Variants in FRYL observed in about 807,000 individuals in gnomAD.
FRYL encodes the protein protein furry homolog-like.
Under a neutral mutation model 351.2 loss-of-function variants are expected in FRYL, and 150 were observed. The observed-to-expected ratio is 0.43, with a 90% CI of 0.37 to 0.49. The LOEUF is 0.49. Ranked by LOEUF, FRYL falls within the 20% of genes least tolerant of loss-of-function variation. The pLI is 0.00. For synonymous variants in FRYL, 1,153 were observed against 1,257.1 expected (o/e 0.92, Z 1.75); for missense variants, 3,036 against 3,619.3 (o/e 0.84, Z 4.13).
At chr4:48,514,916 T>A in intron 56 of FRYL, 112 bp downstream of exon 56, 2 of 933,278 alleles carry the variant, frequency 2.1e-6, no homozygotes, top group Admixed American at 2.5e-5. Context: ...GATTACAGAC[T>A]GAAACACACA....
At chr4:48,512,711 TATC>T (rs1486938601) in intron 56 of FRYL, 23 bp from the exon 57 acceptor site, 4 of 1,538,056 alleles carry the variant, frequency 2.6e-6, no homozygotes, top group Non-Finnish European at 2.7e-6. Context: ...ATATCATAAA[TATC>T]ATAACACTAT....
chr4:48,632,092 A>ATATATATATATATATATG (rs1753198344), intron 4 of FRYL, among the ~76,000 whole-genome samples: 1 of 9,986 alleles, frequency 1.0e-4, no homozygotes, highest in East Asian at 5.5e-3. Context: ...AAAAAAAAAA[A>ATATATATATATATATATG]TATATATATA....
chr4:48,533,364 A>G (rs1728119336), intron 49 of FRYL, among the ~76,000 whole-genome samples: 1 of 152,154 alleles, frequency 6.6e-6, no homozygotes, highest in African/African-American at 2.4e-5. Flanking sequence ...AGGATAAGAC[A>G]CAAGATAAAT....
At chr4:48,675,546 C>G (rs539443222) in intron 3 of FRYL, among the ~76,000 whole-genome samples, 3 of 152,232 alleles carry the variant, frequency 2.0e-5, no homozygotes, top group African/African-American at 7.2e-5. Flanking sequence ...GCGCTGCGCT[C>G]GATTTCTCAC....
intron 3 of FRYL, among the ~76,000 whole-genome samples, chr4:48,645,242 A>G (rs1313840540): frequency 6.6e-6 from 1 of 150,580 alleles, no homozygotes; most frequent in Non-Finnish European, 1.5e-5. Flanking sequence ...AGCGCTGATA[A>G]AAAGGTAATG....
intron 1 of FRYL, among the ~76,000 whole-genome samples, chr4:48,775,658 T>A (rs1298680252): frequency 6.6e-6 from 1 of 152,230 alleles, no homozygotes; most frequent in Non-Finnish European, 1.5e-5. Flanking sequence ...CTTGGGCTAC[T>A]ATGAGGAGTG....
rs146633085 is a variant in FRYL, at chr4:48,515,215, T to C, written c.7750A>G (p.Ile2584Val). ...AGAGATTCCTGCTGTTCTTGAATTA[T>C]ATAGGATCCTTCATCTTCAAAGGTT... ...VTTFEDEGSY[I>V]IQEQQESLVC... Residue 2584 changes from isoleucine (I) to valine (V), a missense_variant, in exon 56 of 64, where the codon ATA becomes GTA. Around this residue, in one of 7 missense-constraint regions of FRYL, gnomAD observed 1,987 missense variants for 2,311.7 expected, o/e 0.86. Coordinates refer to ENST00000358350, the MANE Select transcript of FRYL (RefSeq NM_015030.2). The C allele has an allele frequency of 6.0e-4, 969 of 1,612,326 alleles. 6 individuals carry two copies. In the African/African-American group the frequency reaches 0.01, roughly 17 times the overall value.
chr4:48,682,119 A>G (rs1433477872), intron 3 of FRYL, among the ~76,000 whole-genome samples: 1 of 152,228 alleles, frequency 6.6e-6, no homozygotes, highest in African/African-American at 2.4e-5. Flanking sequence ...ATGACACATA[A>G]TAATTTAAAA....
At chr4:48,571,733 A>G in intron 26 of FRYL, 2 of 972,832 alleles carry the variant, frequency 2.1e-6, no homozygotes, top group Non-Finnish European at 2.4e-6. Context: ...TTCATTTGAA[A>G]CAGGATGATT....
chr4:48,529,139 A>G (rs1278079452), intron 50 of FRYL, among the ~76,000 whole-genome samples: 4 of 152,146 alleles, frequency 2.6e-5, no homozygotes, highest in African/African-American at 9.7e-5. Context: ...GCCCCTTTGC[A>G]TGGAATATCC....
At chr4:48,765,890 A>C (rs967816031) in intron 1 of FRYL, among the ~76,000 whole-genome samples, 5 of 152,226 alleles carry the variant, frequency 3.3e-5, no homozygotes, top group Non-Finnish European at 7.3e-5. Flanking sequence ...GTATATAAAA[A>C]GGTGTTCAAT....
intron 23 of FRYL, among the ~76,000 whole-genome samples, 189 bp downstream of exon 23, chr4:48,578,784 A>G (rs1296598833): frequency 6.6e-6 from 1 of 152,230 alleles, no homozygotes; most frequent in Non-Finnish European, 1.5e-5. Context: ...ACTGTATTAC[A>G]TGAAAAGGAT....
Position 48,528,257 on chromosome 4 carries a change from G to GT in FRYL, c.6982dup (p.Thr2328AsnfsTer2). 1 of 1,613,172 alleles carries GT rather than the reference G, an allele frequency of 6.2e-7. No homozygotes were observed. Among genetic ancestry groups the GT allele is most frequent in the Non-Finnish European group, 8.5e-7 (1 of 1,179,304 alleles). On this transcript the variant is annotated frameshift_variant, in exon 51 of 64. Transcript: ENST00000358350. LOFTEE classifies it high-confidence loss of function. ...AGAAGAAGTTGAGGAAGTACTTCTA[G>GT]TGACAGCAATAACTTTTGGTTTCCC...
At position 48,550,692 on chromosome 4, in the gene FRYL, C is replaced by G. The variant is rs1279407679; in HGVS notation, c.4533G>C (p.Leu1511=). 6.2e-7 allele frequency: 1 copy of G among 1,610,990 alleles called. No individual in the cohort carries two copies. The highest frequency in any genetic ancestry group is 8.5e-7 in the Non-Finnish European group (1 of 1,177,262). The change falls in exon 38 of 64, where the codon CTG becomes CTC. Residue 1511 remains leucine, a synonymous_variant. Transcript: ENST00000358350. ...GACTGTTTAGTCCACTGTAAATGTC[C>G]AGGTGCACATAGCTATGGGAATGAT... The part of the protein sequence containing the change: ...KENIEESYVH[L]DIYSGLNSHL...
intron 1 of FRYL, among the ~76,000 whole-genome samples, chr4:48,736,269 A>G (rs1771389291): frequency 6.6e-6 from 1 of 152,126 alleles, no homozygotes; most frequent in Non-Finnish European, 1.5e-5. Context: ...AATGAGAAAA[A>G]TCTAAAATCA....
intron 22 of FRYL, chr4:48,580,610 T>G (rs956727599): frequency 5.2e-6 from 2 of 387,018 alleles, no homozygotes; most frequent in African/African-American, 4.1e-5. Context: ...TAACAGAAAC[T>G]TCTTAGATTG....
At chr4:48,767,136 T>C (rs2109396737) in intron 1 of FRYL, among the ~76,000 whole-genome samples, 1 of 152,016 alleles carries the variant, frequency 6.6e-6, no homozygotes, top group South Asian at 2.1e-4. Context: ...TATTTAAGGC[T>C]TATAATTCTG....
chr4:48,521,359 C>G, intron 54 of FRYL, 144 bp from the exon 55 acceptor site: 1 of 618,602 alleles, frequency 1.6e-6, no homozygotes, highest in Non-Finnish European at 2.7e-6. Context: ...TTCCAGTCTA[C>G]ACCAGAATGG....
rs1731310499 is a variant in FRYL at position 48,546,289 on chromosome 4, T to C, written c.5075-18A>G. ...AATGCCTGCTGAAAGAGAAAGATCG[T>C]CATGAATACCTAAAACATGAAAGAA... On this transcript the variant is annotated intron_variant, in intron 41 of 63. Transcript: ENST00000358350. The C allele has an allele frequency of 6.4e-7, 1 of 1,573,014 alleles. No individual in the cohort carries two copies. Among genetic ancestry groups the C allele is most frequent in the East Asian group, 2.2e-5 (1 of 44,504 alleles).
Sources: gnomAD v4.1 joint callset for allele counts (sites outside exome capture counted in the v4.1 genomes callset) on GRCh38, gnomAD v4.1.1 for gene constraint, gnomAD v4.1.1 regional missense constraint, MANE v1.5 for transcripts, NCBI Gene and HGNC (gene_info 2026-07-23, HGNC 2026-07-21) for gene names.